Variants in CCNT2 observed in about 807,000 individuals in gnomAD.
CCNT2 encodes the protein cyclin T2.
A neutral mutation model predicts 70.0 loss-of-function variants in CCNT2; 18 were observed. The ratio of observed to expected loss-of-function variants is 0.26; its 90% CI spans 0.18 to 0.38. CCNT2 has a LOEUF of 0.38. Among genes scored for constraint, CCNT2 ranks in the 10% least tolerant of loss-of-function variants. The pLI is 1.00. For synonymous variants in CCNT2, 334 were observed against 313.3 expected (o/e 1.07, Z -0.70); for missense variants, 734 against 890.2 (o/e 0.82, Z 2.23).
At chr2:134,921,311 A>G (rs1679884536) in intron 2 of CCNT2, among the ~76,000 whole-genome samples, 1 of 152,124 alleles carries the variant, frequency 6.6e-6, no homozygotes, top group South Asian at 2.1e-4. Context: ...TGTACTTCCA[A>G]TAAATGATCT....
intron 1 of CCNT2, 106 bp downstream of exon 1, chr2:134,919,118 T>C (rs1679636584): frequency 1.6e-6 from 2 of 1,287,244 alleles, no homozygotes; most frequent in Non-Finnish European, 2.1e-6. Context: ...TCGCTGGGCC[T>C]CGGCGCCGCG....
At position 134,919,940 on chromosome 2, in the gene CCNT2, C is replaced by G. The variant is rs369615706; in HGVS notation, c.240+49C>G. 5.0e-5 allele frequency: 66 copies of G among 1,308,816 alleles called. No individual in the cohort carries two copies. In the African/African-American group the frequency reaches 8.3e-4, roughly 16 times the overall value. The allele number at this position is 1,308,816 out of a possible 1,614,324, so 81.1% of individuals were successfully genotyped here. A position where few individuals can be genotyped will look rare whatever the true frequency, so the allele number is the denominator to read the frequency against. On this transcript the variant is annotated intron_variant, in intron 2 of 8. Transcript: ENST00000264157. ...ACTGTCCGCAAATTTGAGGGTAAAT[C>G]GATACGCAGAAAAAAAGTTGGTCAT...
chr2:134,938,830 G>T (rs1681353490), intron 3 of CCNT2, among the ~76,000 whole-genome samples, 172 bp from the exon 4 acceptor site: 1 of 152,084 alleles, frequency 6.6e-6, no homozygotes, highest in Admixed American at 6.5e-5. Context: ...TTCAGTTTAG[G>T]CTTGCCACAG....
chr2:134,958,594 C>T lies in CCNT2; in HGVS notation c.*3946C>T, dbSNP rs904503457. 1.3e-5 allele frequency: 2 copies of T among 152,132 alleles called. No homozygotes were observed. The highest frequency in any genetic ancestry group is 1.9e-4 in the East Asian group (1 of 5,198). 9.4% of individuals were successfully genotyped at this position (152,132 alleles called of 1,614,324 possible). A position where few individuals can be genotyped will look rare whatever the true frequency, so the allele number is the denominator to read the frequency against. ...CTAATTTGAGAATCACATTCTGATA[C>T]GTTAATATCAGAAATCAGTGAGCAA... On this transcript the variant is annotated 3_prime_UTR_variant, in exon 9 of 9. Transcript: ENST00000264157.
At chr2:134,923,298 A>G (rs1680051635) in intron 2 of CCNT2, among the ~76,000 whole-genome samples, 1 of 152,054 alleles carries the variant, frequency 6.6e-6, no homozygotes, top group Admixed American at 6.6e-5. Context: ...AATAATAATA[A>G]TAATAAAAAT....
intron 5 of CCNT2, chr2:134,945,051 G>T: frequency 1.0e-6 from 1 of 985,390 alleles, no homozygotes; most frequent in Non-Finnish European, 1.2e-6. Context: ...TCACTTCTGT[G>T]ATTTCTCCTT....
intron 6 of CCNT2, 107 bp downstream of exon 6, chr2:134,946,253 A>G: frequency 2.9e-6 from 4 of 1,361,476 alleles, no homozygotes; most frequent in South Asian, 1.2e-5. Flanking sequence ...AGGAGACTGG[A>G]CCATCTACTG....
Position 134,946,265 on chromosome 2 carries a change from G to T in CCNT2, c.539+119G>T, listed in dbSNP as rs1681960109. On this transcript the variant is annotated intron_variant, in intron 6 of 8. Transcript: ENST00000264157. ...GACAGGAGACTGGACCATCTACTGT[G>T]GTGGTACCTTCCTGTTTGCTTTGCG... is the stretch of plus-strand genomic sequence containing the variant. The T allele has an allele frequency of 3.1e-6, 4 of 1,306,046 alleles. No individual in the cohort carries two copies. In the Admixed American group the frequency reaches 8.3e-5, roughly 27 times the overall value. The allele number at this position is 1,306,046 out of a possible 1,614,324, so 80.9% of individuals were successfully genotyped here.
At chr2:134,924,789 A>AC (rs1490793051) in intron 2 of CCNT2, among the ~76,000 whole-genome samples, 1 of 152,116 alleles carries the variant, frequency 6.6e-6, no homozygotes, top group Non-Finnish European at 1.5e-5. Flanking sequence ...TAGTTTTAGC[A>AC]CCCAACTCTG....
At chr2:134,922,714 A>AC (rs1403553717) in intron 2 of CCNT2, among the ~76,000 whole-genome samples, 1 of 151,986 alleles carries the variant, frequency 6.6e-6, no homozygotes, top group Non-Finnish European at 1.5e-5. Flanking sequence ...GAAAGCACCC[A>AC]CCCCCCAAGT....
At chr2:134,944,286 T>G (rs1681791306) in intron 5 of CCNT2, 1 of 983,472 alleles carries the variant, frequency 1.0e-6, no homozygotes, top group Non-Finnish European at 1.2e-6. Flanking sequence ...AGCTAAACTT[T>G]GTAAGCATTG....
chr2:134,939,709 G>T (rs557899746), intron 4 of CCNT2, among the ~76,000 whole-genome samples: 1 of 152,226 alleles, frequency 6.6e-6, no homozygotes, highest in African/African-American at 2.4e-5. Flanking sequence ...CAGGGAATCT[G>T]CCCACTTTGG....
chr2:134,943,267 G>A (rs1209342011), intron 5 of CCNT2: 3 of 352,394 alleles, frequency 8.5e-6, no homozygotes, highest in South Asian at 1.2e-4. Flanking sequence ...TGGTTGTGGT[G>A]GTACACGCAT....
chr2:134,943,096 A>G (rs1452213293), intron 5 of CCNT2: 1 of 985,350 alleles, frequency 1.0e-6, no homozygotes, highest in African/African-American at 1.7e-5. Flanking sequence ...CCTTTCAGAT[A>G]AAAATTGCCT....
chr2:134,943,408 A>G (rs1055675867), intron 5 of CCNT2: 3 of 984,554 alleles, frequency 3.0e-6, no homozygotes, highest in East Asian at 1.1e-4. Context: ...TCTCAAAAAA[A>G]AAAGTTATTT....
chr2:134,930,055 C>T (rs1474574043), intron 2 of CCNT2, among the ~76,000 whole-genome samples: 2 of 152,056 alleles, frequency 1.3e-5, no homozygotes, highest in African/African-American at 4.8e-5. Context: ...AATTCAGTGG[C>T]TCACACGAAG....
chr2:134,929,469 A>G lies in CCNT2; in HGVS notation c.241-7372A>G, dbSNP rs200884761. 1.1e-4 allele frequency among the ~76,000 whole-genome samples: 16 copies of G among 151,524 alleles called. No individual in the cohort carries two copies. The East Asian group carries it at 3.2e-3, about 30-fold the overall frequency. The stretch of plus-strand genomic sequence containing the variant: ...TAATTTAAAAAAAAATTAGCCCGGC[A>G]TCTTGGTGTGCGCCTGTAGTCCCAG... On this transcript the variant is annotated intron_variant, in intron 2 of 8. Transcript: ENST00000264157.
At chr2:134,924,879 T>TC (rs543454588) in intron 2 of CCNT2, among the ~76,000 whole-genome samples, 93 of 152,320 alleles carry the variant, frequency 6.1e-4, no homozygotes, top group African/African-American at 2.1e-3. Context: ...ATGTTTCCCC[T>TC]CCATCTTTTT....
rs1682000388 is a variant in CCNT2 at position 134,946,708 on chromosome 2, ACCTT to A, written c.539+567_539+570del. Among the ~76,000 whole-genome samples the A allele has an allele frequency of 2.0e-5, 3 of 151,184 alleles. No individual in the cohort carries two copies. In the South Asian group the frequency reaches 6.2e-4, roughly 31 times the overall value. On this transcript the variant is annotated intron_variant, in intron 6 of 8. Transcript: ENST00000264157. ...TTTTTTTTTTTTTTTAAACAAAAAAACCTTCCTTTTCAGTTTATATAGAGTAAAA... is the reference window on the plus strand; with the variant it reads ...TTTTTTTTTTTTTTTAAACAAAAAAACCTTTTCAGTTTATATAGAGTAAAA...
Sources: gnomAD v4.1 joint callset for allele counts (sites outside exome capture counted in the v4.1 genomes callset) on GRCh38, gnomAD v4.1.1 for gene constraint, MANE v1.5 for transcripts, NCBI Gene and HGNC (gene_info 2026-07-23, HGNC 2026-07-21) for gene names.